Variants in CD8B observed in about 807,000 individuals in gnomAD.
CD8B encodes CD8 subunit beta.
In CD8B, 6 loss-of-function variants were observed where a neutral mutation model predicts 24.2. The ratio of observed to expected loss-of-function variants is 0.25; its 90% CI spans 0.14 to 0.49. The LOEUF is 0.49. Among genes scored for constraint, CD8B ranks in the 20% least tolerant of loss-of-function variants. The pLI is 0.98. For missense variants in CD8B, 196 were observed against 271.3 expected (o/e 0.72, Z 1.95); for synonymous variants, 84 against 108.3 (o/e 0.78, Z 1.39).
intron 3 of CD8B, among the ~76,000 whole-genome samples, chr2:86,851,018 G>A (rs896782766): frequency 2.6e-5 from 4 of 151,414 alleles, no homozygotes; most frequent in Admixed American, 6.6e-5. Flanking sequence ...TTGAACCTGG[G>A]AGGCGGAGGT....
chr2:86,861,591 G>A (rs1329023754), intron 1 of CD8B, among the ~76,000 whole-genome samples: 1 of 152,170 alleles, frequency 6.6e-6, no homozygotes, highest in Non-Finnish European at 1.5e-5. Flanking sequence ...AGGCTTTTGA[G>A]GGGAGGTGGC....
At chr2:86,828,080 C>T (rs1674761535) in intron 5 of CD8B, among the ~76,000 whole-genome samples, 1 of 152,144 alleles carries the variant, frequency 6.6e-6, no homozygotes, top group Non-Finnish European at 1.5e-5. Flanking sequence ...TAGCGACCTG[C>T]TTATAAAATG....
chr2:86,820,886 A>G (rs1305464152), intron 5 of CD8B, among the ~76,000 whole-genome samples: 3 of 152,236 alleles, frequency 2.0e-5, no homozygotes, highest in Non-Finnish European at 4.4e-5. Flanking sequence ...TGCAAGCACT[A>G]TTTTATTAAT....
rs750680208 is a variant in CD8B, at chr2:86,857,036, C to T, written c.403+1021G>A. Among the ~76,000 whole-genome samples the T allele has an allele frequency of 1.1e-3, 161 of 152,080 alleles. 1 individual carries two copies. The highest frequency in any genetic ancestry group is 1.8e-3 in the Non-Finnish European group (124 of 68,028). On this transcript the variant is annotated intron_variant, in intron 2 of 5. Transcript: ENST00000390655. ...TTGAAATGTGCGTCTGCTGGACTTG[C>T]TGACTTAAGTCAGAGGTCTGCAGCT...
chr2:86,837,387 C>A (rs895478043), downstream of CD8B, among the ~76,000 whole-genome samples: 1 of 152,166 alleles, frequency 6.6e-6, no homozygotes, highest in Non-Finnish European at 1.5e-5. Flanking sequence ...AATCTCAAAC[C>A]GACGCAGGGC....
chr2:86,839,087 G>A lies in CD8B; in HGVS notation c.*3220C>T, dbSNP rs369026438. ...TCCTAACTTCTAACAACATATATTT[G>A]TTTTGCTTGTTTTCTTTTGTGCTTG... On this transcript the variant is annotated 3_prime_UTR_variant, in exon 6 of 6. Transcript: ENST00000390655. Among the ~76,000 whole-genome samples, 13 of 152,242 alleles carry A rather than the reference G, an allele frequency of 8.5e-5. No individual in the cohort carries two copies. The East Asian group carries it at 1.9e-3, about 23-fold the overall frequency.
intron 5 of CD8B, among the ~76,000 whole-genome samples, chr2:86,823,394 C>T (rs1260577973): frequency 6.6e-6 from 1 of 152,134 alleles, no homozygotes; most frequent in Non-Finnish European, 1.5e-5. Context: ...ATCTTCACAT[C>T]TCAGACTCCC....
intron 5 of CD8B, among the ~76,000 whole-genome samples, chr2:86,826,146 T>G (rs888798242): frequency 1.3e-5 from 2 of 152,010 alleles, no homozygotes; most frequent in Admixed American, 6.6e-5. Flanking sequence ...TGTGGGGAGC[T>G]CTGTGCAGGC....
chr2:86,850,825 T>C (rs1287474493), intron 3 of CD8B, among the ~76,000 whole-genome samples: 1 of 152,144 alleles, frequency 6.6e-6, no homozygotes. Context: ...GCGTAGTGGC[T>C]CACGCCTGTA....
downstream of CD8B, among the ~76,000 whole-genome samples, chr2:86,835,380 C>T (rs1351069867): frequency 1.3e-5 from 2 of 152,186 alleles, no homozygotes; most frequent in Non-Finnish European, 2.9e-5. Context: ...CGGATAGAGG[C>T]AGGGACGACC....
downstream of CD8B, among the ~76,000 whole-genome samples, chr2:86,835,613 A>G (rs1675146105): frequency 6.6e-6 from 1 of 151,534 alleles, no homozygotes; most frequent in African/African-American, 2.4e-5. Flanking sequence ...TCAGGCTTGC[A>G]GGATGCTGAA....
At chr2:86,846,077 G>T (rs1302309113) in intron 4 of CD8B, among the ~76,000 whole-genome samples, 1 of 152,128 alleles carries the variant, frequency 6.6e-6, no homozygotes, top group Non-Finnish European at 1.5e-5. Flanking sequence ...AGCCATGCAG[G>T]CCTCCCCTCT....
chr2:86,847,990 A>T (rs1675770499), intron 3 of CD8B, among the ~76,000 whole-genome samples: 1 of 152,162 alleles, frequency 6.6e-6, no homozygotes, highest in African/African-American at 2.4e-5. Context: ...TTCTTCCAGC[A>T]GAGTAACATC....
At chr2:86,831,106 G>A (rs1395087776) in intron 5 of CD8B, among the ~76,000 whole-genome samples, 1 of 152,116 alleles carries the variant, frequency 6.6e-6, no homozygotes, top group African/African-American at 2.4e-5. Flanking sequence ...GTCTTGCTGT[G>A]TTGTCCAGGC....
chr2:86,820,900 CAT>C (rs1674439064), intron 5 of CD8B, among the ~76,000 whole-genome samples: 1 of 152,132 alleles, frequency 6.6e-6, no homozygotes, highest in Non-Finnish European at 1.5e-5. Flanking sequence ...TATTAATGCT[CAT>C]GTGTGAGGTA....
At chr2:86,834,469 C>A (rs1190011467), downstream of CD8B, among the ~76,000 whole-genome samples, 1 of 71,620 alleles carries the variant, frequency 1.4e-5, no homozygotes, top group Non-Finnish European at 3.4e-5. Flanking sequence ...TCTTCTCTTA[C>A]ACACACACAC....
chr2:86,845,471 A>T (rs1009914760), intron 4 of CD8B, among the ~76,000 whole-genome samples: 1 of 152,022 alleles, frequency 6.6e-6, no homozygotes, highest in Non-Finnish European at 1.5e-5. Context: ...ATTTTCATTT[A>T]TTTTTTTAGG....
Position 86,838,937 on chromosome 2 carries a change from A to C in CD8B, c.*3370T>G, listed in dbSNP as rs912917544. Among the ~76,000 whole-genome samples, 1 of 152,242 alleles carries C rather than the reference A, an allele frequency of 6.6e-6. No homozygotes were observed. Among genetic ancestry groups the C allele is most frequent in the Admixed American group, 6.5e-5 (1 of 15,288 alleles). On this transcript the variant is annotated 3_prime_UTR_variant, in exon 6 of 6. Transcript: ENST00000390655. ...CTAAAGTCAACATATCTGAGTGTACAGCTTGATGACTTTTACTAATGAAAC... is the reference window on the plus strand; with the variant it reads ...CTAAAGTCAACATATCTGAGTGTACCGCTTGATGACTTTTACTAATGAAAC...
intron 5 of CD8B, among the ~76,000 whole-genome samples, chr2:86,816,200 A>T (rs1674236997): frequency 6.6e-6 from 1 of 152,218 alleles, no homozygotes; most frequent in Admixed American, 6.5e-5. Flanking sequence ...CCCCATGCTT[A>T]AAAAATTTCT....
Sources: allele counts gnomAD v4.1 joint callset (sites outside exome capture counted in the v4.1 genomes callset), GRCh38; gene constraint gnomAD v4.1.1; transcripts MANE v1.5; gene names NCBI Gene and HGNC (gene_info 2026-07-23, HGNC 2026-07-21).